NLGN4X: variants seen among roughly 807,000 people sequenced by gnomAD.
NLGN4X encodes neuroligin-4, X-linked.
A neutral mutation model predicts 40.3 loss-of-function variants in NLGN4X; 3 were observed. The ratio of observed to expected loss-of-function variants is 0.07; its 90% CI spans 0.03 to 0.19. The LOEUF (loss-of-function observed/expected upper bound fraction) is 0.19, where lower values mean the gene tolerates loss of function less well. Ranked by LOEUF, NLGN4X falls within the 10% of genes least tolerant of loss-of-function variation. NLGN4X has a pLI of 1.00. For synonymous variants in NLGN4X, 270 were observed against 306.8 expected, an observed-to-expected ratio of 0.88 and a Z score of 1.25; for missense variants, 382 against 708.3, an observed-to-expected ratio of 0.54 and a Z score of 5.23.
At chrX:6,021,043 T>C (rs866375193) in intron 3 of NLGN4X, among the ~76,000 whole-genome samples, 11 of 20,042 alleles carry the variant, frequency 5.5e-4, no homozygotes, top group African/African-American at 1.7e-3. Flanking sequence ...TCTCTCTCTC[T>C]CTCTCCCTCC....
chrX:6,032,232 C>A (rs1244600073), intron 2 of NLGN4X, among the ~76,000 whole-genome samples: 4 of 94,223 alleles, frequency 4.2e-5, no homozygotes, highest in Non-Finnish European at 4.2e-5. Flanking sequence ...TCAGCCCCCC[C>A]CCCCCCAAAA....
chrX:5,942,034 C>T (rs2033963318), intron 3 of NLGN4X, among the ~76,000 whole-genome samples: 1 of 110,655 alleles, frequency 9.0e-6, no homozygotes, highest in African/African-American at 3.3e-5. Flanking sequence ...GGTGGGAGAA[C>T]TGCTTGAGCC....
intron 3 of NLGN4X, among the ~76,000 whole-genome samples, chrX:5,949,560 T>A (rs923349588): frequency 8.9e-6 from 1 of 111,895 alleles, no homozygotes; most frequent in African/African-American, 3.3e-5. Flanking sequence ...AAGTTATCAT[T>A]TGTGTTCAAA....
Position 5,890,770 on chromosome X carries a change from C to T in NLGN4X, c.*2047G>A, listed in dbSNP as rs189038197. 27 of 297,157 alleles carry T rather than the reference C, an allele frequency of 9.1e-5. No individual in the cohort carries two copies. The East Asian group carries it at 2.6e-3, about 29-fold the overall frequency. The allele number at this position is 297,157 out of a possible 1,213,427, so 24.5% of individuals were successfully genotyped here. On this transcript the variant is annotated 3_prime_UTR_variant, in exon 6 of 6. Transcript: ENST00000381095. ...TCACATATTTATATACAGAGAATCA[C>T]TCTCAAATTTAACCCAAGATAAGCA...
chrX:5,977,032 T>C (rs1418519530), intron 3 of NLGN4X, among the ~76,000 whole-genome samples: 1 of 112,414 alleles, frequency 8.9e-6, no homozygotes, highest in African/African-American at 3.2e-5. Flanking sequence ...AAATCAATAA[T>C]TGGTCTCACA....
intron 2 of NLGN4X, among the ~76,000 whole-genome samples, chrX:6,134,529 C>G (rs759435562): frequency 8.0e-5 from 9 of 112,132 alleles, no homozygotes; most frequent in Admixed American, 3.8e-4. Context: ...GCATTTTCCC[C>G]TGTATGTTCT....
intron 2 of NLGN4X, among the ~76,000 whole-genome samples, chrX:6,102,829 TAG>T (rs578223275): frequency 1.8e-4 from 20 of 110,651 alleles, no homozygotes; most frequent in African/African-American, 5.9e-4. Flanking sequence ...ACAGATTAGA[TAG>T]AGAGAGAGGG....
At chrX:6,083,948 G>T (rs1392217852) in intron 2 of NLGN4X, among the ~76,000 whole-genome samples, 1 of 112,065 alleles carries the variant, frequency 8.9e-6, no homozygotes, top group Non-Finnish European at 1.9e-5. Context: ...CATAGAGGCA[G>T]ATAGTTGAAG....
intron 3 of NLGN4X, among the ~76,000 whole-genome samples, chrX:5,987,456 T>A (rs1474449096): frequency 1.8e-5 from 2 of 112,883 alleles, no homozygotes; most frequent in Non-Finnish European, 3.7e-5. Context: ...TAGAAACACT[T>A]GCCTTAAGCT....
At chrX:6,170,706 C>G (rs1444623026) in intron 1 of NLGN4X, among the ~76,000 whole-genome samples, 2 of 112,312 alleles carry the variant, frequency 1.8e-5, no homozygotes, top group African/African-American at 6.5e-5. Context: ...CTTCTCCTCT[C>G]CAAATATATG....
intron 2 of NLGN4X, among the ~76,000 whole-genome samples, chrX:6,069,965 T>C (rs1386966358): frequency 1.8e-5 from 2 of 112,024 alleles, no homozygotes; most frequent in Admixed American, 1.9e-4. Flanking sequence ...CAAGTCTTTA[T>C]GTATTCCCTC....
chrX:6,149,181 C>T (rs1182304537), intron 2 of NLGN4X, among the ~76,000 whole-genome samples: 3 of 112,040 alleles, frequency 2.7e-5, no homozygotes, highest in Admixed American at 9.5e-5. Flanking sequence ...ACGGCCACAC[C>T]GTTTGTGGTC....
At chrX:6,018,545 C>T (rs2036451302) in intron 3 of NLGN4X, among the ~76,000 whole-genome samples, 1 of 111,715 alleles carries the variant, frequency 9.0e-6, no homozygotes, top group Non-Finnish European at 1.9e-5. Flanking sequence ...GTTGCCCAGG[C>T]TGCTCTTGAA....
chrX:6,013,516 C>T (rs1033863813), intron 3 of NLGN4X, among the ~76,000 whole-genome samples: 3 of 93,097 alleles, frequency 3.2e-5, no homozygotes, highest in Admixed American at 1.2e-4. Context: ...GCTTATTGTC[C>T]GGTAGACACT....
At chrX:6,130,305 C>T (rs1290839118) in intron 2 of NLGN4X, among the ~76,000 whole-genome samples, 1 of 111,652 alleles carries the variant, frequency 9.0e-6, no homozygotes, top group Non-Finnish European at 1.9e-5. Flanking sequence ...TTTGGCACTC[C>T]ACATGAAAGC....
At chrX:5,906,904 A>G (rs1001818027) in intron 4 of NLGN4X, among the ~76,000 whole-genome samples, 1 of 110,987 alleles carries the variant, frequency 9.0e-6, no homozygotes, top group African/African-American at 3.3e-5. Context: ...ACACGGTGAA[A>G]GCCCATCTCT....
chrX:5,950,571 A>G (rs1185983234), intron 3 of NLGN4X, among the ~76,000 whole-genome samples: 1 of 112,113 alleles, frequency 8.9e-6, no homozygotes, highest in East Asian at 2.8e-4. Flanking sequence ...CAAATTCAAC[A>G]GGTTAATATG....
chrX:5,910,883 A>C (rs191934475), intron 3 of NLGN4X, among the ~76,000 whole-genome samples: 1 of 111,701 alleles, frequency 9.0e-6, no homozygotes, highest in Non-Finnish European at 1.9e-5. Flanking sequence ...TCTTCTTTAA[A>C]GTTCAGAGGG....
intron 2 of NLGN4X, among the ~76,000 whole-genome samples, chrX:6,076,560 T>C (rs2038202627): frequency 8.9e-6 from 1 of 112,250 alleles, no homozygotes; most frequent in Admixed American, 9.4e-5. Context: ...ATTAGCTTCA[T>C]TCCTTAGCAG....
Sources: gnomAD v4.1 joint callset for allele counts (sites outside exome capture counted in the v4.1 genomes callset) on GRCh38, gnomAD v4.1.1 for gene constraint, MANE v1.5 for transcripts, NCBI Gene and HGNC (gene_info 2026-07-23, HGNC 2026-07-21) for gene names.